MRTFB: variants seen among roughly 807,000 people sequenced by gnomAD.
The protein encoded by MRTFB is myocardin related transcription factor B.
In MRTFB, 29 loss-of-function variants were observed where a neutral mutation model predicts 104.2. The ratio of observed to expected loss-of-function variants is 0.28; its 90% confidence interval spans 0.21 to 0.38. MRTFB has a LOEUF of 0.38. Among genes scored for constraint, MRTFB ranks in the 10% least tolerant of loss-of-function variants. The pLI, the probability that MRTFB is intolerant of heterozygous loss-of-function variation, is 1.00. For missense variants in MRTFB, 1,270 were observed against 1,341.6 expected, an observed-to-expected ratio of 0.95 and a Z score of 0.83; for synonymous variants, 535 against 519.5, an observed-to-expected ratio of 1.03 and a Z score of -0.41.
intron 3 of MRTFB, among the ~76,000 whole-genome samples, chr16:14,162,786 T>C (rs1429203398): frequency 6.6e-6 from 1 of 152,184 alleles, no homozygotes; most frequent in East Asian, 1.9e-4. Flanking sequence ...TGGAAAATGT[T>C]TGGTTTCCTG....
intron 6 of MRTFB, chr16:14,214,764 A>AGGATTGTGGT (rs2041344045): frequency 6.6e-6 from 1 of 152,178 alleles, no homozygotes; most frequent in Non-Finnish European, 1.5e-5. Flanking sequence ...TCTCAATATT[A>AGGATTGTGGT]AGGATGTGGT....
chr16:14,011,652 G>A, the MRTFB span, among the ~76,000 whole-genome samples: 922 of 152,290 alleles, frequency 6.1e-3, 12 homozygotes, highest in African/African-American at 0.021. Context: ...TTGGGAGGCT[G>A]AGGCGGGCAG....
At chr16:14,070,328 T>C (rs925161588), upstream of MRTFB, among the ~76,000 whole-genome samples, 7 of 152,232 alleles carry the variant, frequency 4.6e-5, no homozygotes, top group Non-Finnish European at 1.0e-4. Flanking sequence ...GACCTTGATA[T>C]GCCCGCAATA....
chr16:14,066,574 AT>A (rs561180292), upstream of MRTFB, among the ~76,000 whole-genome samples: 26 of 151,562 alleles, frequency 1.7e-4, no homozygotes, highest in South Asian at 4.8e-3. Context: ...TGCCCGGCCT[AT>A]TTTTTTATTT....
chr16:14,248,363 A>G (rs1279159632), intron 12 of MRTFB: 2 of 152,276 alleles, frequency 1.3e-5, no homozygotes, highest in African/African-American at 4.8e-5. Flanking sequence ...GCAGATGCAA[A>G]AATTCTGATT....
rs1004341807 is a variant in MRTFB at position 14,247,524 on chromosome 16, C to G, written c.2247+17C>G. 2.6e-6 allele frequency: 4 copies of G among 1,532,066 alleles called. No homozygotes were observed. Among genetic ancestry groups the G allele is most frequent in the East Asian group, 4.9e-5 (2 of 41,020 alleles). 94.9% of individuals were successfully genotyped at this position (1,532,066 alleles called of 1,614,324 possible). A position where few individuals can be genotyped will look rare whatever the true frequency, so the allele number is the denominator to read the frequency against. On this transcript the variant is annotated intron_variant, in intron 12 of 16. Transcript: ENST00000571589. Reference sequence around the variant, plus strand: ...AAACTCCAGGTGTGAAGTGTGTCTTCTAACTACTTTGCCTTACAGCATGCA... The same window carrying G: ...AAACTCCAGGTGTGAAGTGTGTCTTGTAACTACTTTGCCTTACAGCATGCA...
the MRTFB span, among the ~76,000 whole-genome samples, chr16:14,059,364 T>C: frequency 1.3e-5 from 2 of 152,130 alleles, no homozygotes; most frequent in Non-Finnish European, 2.9e-5. Flanking sequence ...TTAATCAACC[T>C]CTCCCTGCCC....
At chr16:14,218,399 CCAAA>C (rs1229924105) in intron 7 of MRTFB, among the ~76,000 whole-genome samples, 1 of 152,120 alleles carries the variant, frequency 6.6e-6, no homozygotes, top group Non-Finnish European at 1.5e-5. Context: ...CTGTCAGGAT[CCAAA>C]CAAGGTCCAC....
intron 2 of MRTFB, among the ~76,000 whole-genome samples, chr16:14,115,664 A>T (rs968320701): frequency 1.3e-5 from 2 of 152,184 alleles, no homozygotes; most frequent in Non-Finnish European, 2.9e-5. Flanking sequence ...TCTGCCTTGA[A>T]ATAGTCACAC....
At chr16:14,224,452 A>G (rs2041906500) in intron 8 of MRTFB, among the ~76,000 whole-genome samples, 1 of 152,214 alleles carries the variant, frequency 6.6e-6, no homozygotes, top group African/African-American at 2.4e-5. Context: ...CTCCATTATA[A>G]TCTTCTTATG....
rs999873570 is a variant in MRTFB, at chr16:14,261,204, G to C, written c.3060G>C (p.Leu1020=). ...TCGAGGACCTCCAGAATGATCTGCT[G>C]AGTCACTCAGGTATGCTGGACCATT... is the stretch of plus-strand genomic sequence containing the variant. The part of the protein sequence containing the change: ...SLIEDLQNDL[L]SHSGMLDHSH... The change falls in exon 17 of 17, where the codon CTG becomes CTC. Residue 1020 remains leucine (L), a synonymous_variant. Coordinates refer to ENST00000571589, the MANE Select transcript of MRTFB (RefSeq NM_001308142.2). 6.2e-7 allele frequency: 1 copy of C among 1,614,078 alleles called. No individual in the cohort carries two copies. The highest frequency in any genetic ancestry group is 1.3e-5 in the African/African-American group (1 of 74,926).
In MRTFB at chr16:14,261,030, G is replaced by A. The variant is rs1451573586; in HGVS notation, c.2886G>A (p.Met962Ile). The A allele has an allele frequency of 6.2e-7, 1 of 1,614,020 alleles. No individual in the cohort carries two copies. Among genetic ancestry groups the A allele is most frequent in the East Asian group, 2.2e-5 (1 of 44,900 alleles). The change falls in exon 17 of 17, where the codon ATG becomes ATA. Residue 962 changes from methionine to isoleucine, a missense_variant. By Grantham distance (10) the Met-to-Ile change is conservative. Coordinates refer to ENST00000571589, the MANE Select transcript of MRTFB (RefSeq NM_001308142.2). Reference protein sequence around the residue: ...VVSRPPPQVQMAPPVSLEPMG... With the variant: ...VVSRPPPQVQIAPPVSLEPMG... The stretch of plus-strand genomic sequence containing the variant: ...CCCGGCCACCACCCCAAGTCCAAAT[G>A]GCACCACCTGTATCTTTAGAACCTA...
At chr16:14,218,703 A>ATT in intron 7 of MRTFB, 117 bp from the exon 8 acceptor site, 31 of 938,696 alleles carry the variant, frequency 3.3e-5, no homozygotes, top group African/African-American at 5.1e-5. Context: ...ATTGTGTTCA[A>ATT]TTTTTTTTTT....
chr16:14,228,418 T>C (rs112006377), intron 8 of MRTFB, among the ~76,000 whole-genome samples: 34 of 152,032 alleles, frequency 2.2e-4, no homozygotes, highest in African/African-American at 7.2e-4. Flanking sequence ...CTACTAAAAA[T>C]AGAAAAATTA....
chr16:14,070,800 C>T (rs1469451779), upstream of MRTFB, among the ~76,000 whole-genome samples: 1 of 152,246 alleles, frequency 6.6e-6, no homozygotes, highest in African/African-American at 2.4e-5. Flanking sequence ...GGCTGGGCAT[C>T]AGACAACCCC....
chr16:14,171,314 C>A (rs118182450), intron 3 of MRTFB, among the ~76,000 whole-genome samples: 7 of 152,214 alleles, frequency 4.6e-5, no homozygotes, highest in Middle Eastern at 3.4e-3. Context: ...ATGGTGCTCA[C>A]GCCTGTAATC....
At chr16:14,054,811 C>A in the MRTFB span, among the ~76,000 whole-genome samples, 13 of 152,154 alleles carry the variant, frequency 8.5e-5, no homozygotes, top group Non-Finnish European at 1.3e-4. Context: ...CTCTGAAGGG[C>A]CTTACTTCTT....
At chr16:14,144,981 CAT>C (rs71373011) in intron 3 of MRTFB, among the ~76,000 whole-genome samples, 6,344 of 104,296 alleles carry the variant, frequency 0.061, 160 homozygotes, top group African/African-American at 0.14. Context: ...TATATACATA[CAT>C]ATATATATAT....
At chr16:14,258,485 A>C (rs2043615221) in intron 16 of MRTFB, among the ~76,000 whole-genome samples, 1 of 152,148 alleles carries the variant, frequency 6.6e-6, no homozygotes, top group Admixed American at 6.5e-5. Flanking sequence ...GGTCCCAGCT[A>C]CTAGGAAGTT....
Sources: gnomAD v4.1 joint callset for allele counts (sites outside exome capture counted in the v4.1 genomes callset) on GRCh38, gnomAD v4.1.1 for gene constraint, MANE v1.5 for transcripts, NCBI Gene and HGNC (gene_info 2026-07-23, HGNC 2026-07-21) for gene names.